The following IL1RAPL1 variants were observed in gnomAD, a reference collection of about 807,000 sequenced individuals.
The protein encoded by IL1RAPL1 is interleukin-1 receptor accessory protein-like 1.
IL1RAPL1 carries 3 observed loss-of-function variants against 48.4 expected under a neutral mutation model. That is an observed-to-expected ratio of 0.06 (90% CI 0.03 to 0.16). IL1RAPL1 has a LOEUF of 0.16. Among genes scored for constraint, IL1RAPL1 ranks in the 10% least tolerant of loss-of-function variants. The pLI is 1.00. For synonymous variants in IL1RAPL1, 185 were observed against 187.7 expected (o/e 0.99, Z 0.12); for missense variants, 349 against 530.6 (o/e 0.66, Z 3.36).
intron 3 of IL1RAPL1, among the ~76,000 whole-genome samples, chrX:29,359,394 T>C (rs1044708779): frequency 1.8e-5 from 2 of 111,825 alleles, no homozygotes; most frequent in African/African-American, 6.5e-5. Flanking sequence ...TTCAGAGTAC[T>C]ATCAGTCTAT....
intron 5 of IL1RAPL1, among the ~76,000 whole-genome samples, chrX:29,479,414 C>CAAAAAAAAAAAAAAAAAAAAAAAAAAAAA (rs3069570): frequency 1.4e-4 from 6 of 42,485 alleles, no homozygotes; most frequent in East Asian, 1.0e-3. Context: ...GACCCTGTCT[C>CAAAAAAAAAAAAAAAAAAAAAAAAAAAAA]AAAAAAAAAA....
At chrX:29,688,583 G>T (rs1466045831) in intron 6 of IL1RAPL1, among the ~76,000 whole-genome samples, 2 of 111,400 alleles carry the variant, frequency 1.8e-5, no homozygotes, top group Non-Finnish European at 3.8e-5. Context: ...TCTTTTGTGG[G>T]GGTGAGGCGG....
chrX:29,249,009 G>T (rs1267064651), intron 2 of IL1RAPL1, among the ~76,000 whole-genome samples: 1 of 110,950 alleles, frequency 9.0e-6, no homozygotes, highest in African/African-American at 3.3e-5. Flanking sequence ...AAGTTGAAAA[G>T]GTATCATTAA....
chrX:28,887,838 A>G (rs1434244763), intron 2 of IL1RAPL1, among the ~76,000 whole-genome samples: 1 of 111,119 alleles, frequency 9.0e-6, no homozygotes. Context: ...CTCAGAAAAG[A>G]ATGTGGTTAA....
intron 3 of IL1RAPL1, among the ~76,000 whole-genome samples, chrX:29,380,337 C>T (rs1348952750): frequency 8.9e-6 from 1 of 112,283 alleles, no homozygotes; most frequent in Non-Finnish European, 1.9e-5. Context: ...AAGTGATTCT[C>T]CTGCCTCAGC....
At chrX:28,760,046 A>G (rs1391897488) in intron 1 of IL1RAPL1, among the ~76,000 whole-genome samples, 1 of 111,927 alleles carries the variant, frequency 8.9e-6, no homozygotes, top group African/African-American at 3.2e-5. Flanking sequence ...AAAGTTTTTA[A>G]TTTTTTAAAT....
At chrX:29,377,221 A>G (rs1181591881) in intron 3 of IL1RAPL1, among the ~76,000 whole-genome samples, 1 of 112,383 alleles carries the variant, frequency 8.9e-6, no homozygotes, top group East Asian at 2.8e-4. Context: ...CTCTTTCTGC[A>G]TCCCTTTACT....
At chrX:28,968,948 AAAC>A (rs1181239340) in intron 2 of IL1RAPL1, among the ~76,000 whole-genome samples, 2 of 112,893 alleles carry the variant, frequency 1.8e-5, no homozygotes, top group African/African-American at 6.4e-5. Context: ...TATTGAATAA[AAAC>A]AAAAGCCATT....
chrX:29,728,608 G>A (rs1317025330), intron 6 of IL1RAPL1, among the ~76,000 whole-genome samples: 1 of 112,449 alleles, frequency 8.9e-6, no homozygotes, highest in African/African-American at 3.2e-5. Flanking sequence ...TCCCCCAGAC[G>A]TGGACATTGC....
chrX:29,698,770 C>T (rs1432599265), intron 6 of IL1RAPL1, among the ~76,000 whole-genome samples: 1 of 111,837 alleles, frequency 8.9e-6, no homozygotes, highest in African/African-American at 3.3e-5. Flanking sequence ...CCTTGGCTTT[C>T]GTCAACATTA....
intron 6 of IL1RAPL1, among the ~76,000 whole-genome samples, chrX:29,849,703 A>C (rs1931322891): frequency 9.0e-6 from 1 of 111,697 alleles, no homozygotes; most frequent in Non-Finnish European, 1.9e-5. Context: ...AGCCTGAAGA[A>C]GCGTGACAAG....
intron 5 of IL1RAPL1, among the ~76,000 whole-genome samples, chrX:29,518,144 AACAG>A (rs1369427951): frequency 1.8e-5 from 2 of 111,983 alleles, no homozygotes; most frequent in African/African-American, 3.2e-5. Flanking sequence ...CAGTGAATAA[AACAG>A]ACAAAGAGGC....
chrX:28,634,294 G>T (rs942880151), intron 1 of IL1RAPL1, among the ~76,000 whole-genome samples: 1 of 109,104 alleles, frequency 9.2e-6, no homozygotes, highest in East Asian at 2.9e-4. Flanking sequence ...GAGCCACCAC[G>T]CCAGGTCTGG....
At chrX:29,088,749 T>A (rs757358646) in intron 2 of IL1RAPL1, among the ~76,000 whole-genome samples, 1 of 108,122 alleles carries the variant, frequency 9.2e-6, no homozygotes, top group African/African-American at 3.4e-5. Flanking sequence ...TCAGAATAAG[T>A]AGATTTTAAA....
chrX:29,338,935 C>T (rs756902385), intron 3 of IL1RAPL1, among the ~76,000 whole-genome samples: 48 of 110,620 alleles, frequency 4.3e-4, no homozygotes, highest in African/African-American at 1.5e-3. Flanking sequence ...GGAATCAACC[C>T]TAGTGGCTAA....
Position 29,010,205 on chromosome X carries a change from A to G in IL1RAPL1, c.82+220780A>G, listed in dbSNP as rs776024503. On this transcript the variant is annotated intron_variant, in intron 2 of 10. Transcript: ENST00000378993. ...TATCATCAGTGAAAGAGACAGTTTG[A>G]CTTCTTCTTTTCCTATTTGAATGCC... 3.6e-5 allele frequency among the ~76,000 whole-genome samples: 4 copies of G among 111,593 alleles called. No individual in the cohort carries two copies. In the South Asian group the frequency reaches 1.5e-3, roughly 41 times the overall value.
intron 6 of IL1RAPL1, among the ~76,000 whole-genome samples, chrX:29,688,304 ATTAT>A (rs1926681955): frequency 9.0e-6 from 1 of 110,824 alleles, no homozygotes; most frequent in Admixed American, 9.6e-5. Context: ...GGCTGTCTAC[ATTAT>A]TTGTCTTGCG....
rs193101563 is a variant in IL1RAPL1, at chrX:29,409,925, C to T, written c.703+10617C>T. ...ACAACCTCCGCCTCCCAGGTTCAAGCGATTCTCCTGCCTCAGCCTCCCCAG... is the reference window on the plus strand; with the variant it reads ...ACAACCTCCGCCTCCCAGGTTCAAGTGATTCTCCTGCCTCAGCCTCCCCAG... On this transcript the variant is annotated intron_variant, in intron 5 of 10. Coordinates refer to ENST00000378993, the MANE Select transcript of IL1RAPL1 (RefSeq NM_014271.4). Among the ~76,000 whole-genome samples the T allele has an allele frequency of 4.3e-3, 454 of 106,002 alleles. 4 individuals carry two copies. Among genetic ancestry groups the T allele is most frequent in the African/African-American group, 0.014 (402 of 29,109 alleles). 92.0% of individuals were successfully genotyped at this position (106,002 alleles called of 115,157 possible).
intron 2 of IL1RAPL1, among the ~76,000 whole-genome samples, chrX:28,938,712 A>ATCTT (rs1352515360): frequency 8.9e-6 from 1 of 111,801 alleles, no homozygotes; most frequent in African/African-American, 3.2e-5. Flanking sequence ...CTGCACAGCA[A>ATCTT]AAGAAACTAT....
Sources: allele counts gnomAD v4.1 joint callset (sites outside exome capture counted in the v4.1 genomes callset), GRCh38; gene constraint gnomAD v4.1.1; transcripts MANE v1.5; gene names NCBI Gene and HGNC (gene_info 2026-07-23, HGNC 2026-07-21).